FBXL18: variants seen among roughly 807,000 people sequenced by gnomAD.
The protein encoded by FBXL18 is F-box/LRR-repeat protein 18.
FBXL18 carries 36 observed loss-of-function variants against 46.0 expected under a neutral mutation model. The ratio of observed to expected loss-of-function variants is 0.78; its 90% confidence interval spans 0.60 to 1.03. The LOEUF is 1.03. Among genes scored for constraint, FBXL18 ranks in the 50% least tolerant of loss-of-function variants. The pLI, the probability that FBXL18 is intolerant of heterozygous loss-of-function variation, is 0.00. For missense variants in FBXL18, 977 were observed against 1,004.1 expected (o/e 0.97, Z 0.36); for synonymous variants, 557 against 465.3 (o/e 1.20, Z -2.54).
intron 4 of FBXL18, among the ~76,000 whole-genome samples, chr7:5,457,512 A>G (rs1783189234): frequency 6.6e-6 from 1 of 152,170 alleles, no homozygotes; most frequent in African/African-American, 2.4e-5. Context: ...TACCAAACAC[A>G]TCCTGCAACA....
rs550653522 is a variant in FBXL18 at position 5,506,318 on chromosome 7, G to A, written c.19-688C>T. Among the ~76,000 whole-genome samples, 10 of 150,024 alleles carry A rather than the reference G, an allele frequency of 6.7e-5. No individual in the cohort carries two copies. In the South Asian group the frequency reaches 8.4e-4, roughly 13 times the overall value. On this transcript the variant is annotated intron_variant, in intron 1 of 4. Coordinates refer to ENST00000382368, the MANE Select transcript of FBXL18 (RefSeq NM_024963.6). ...GGGTGGAGTGCAGTGGCGCAATCTCGGTTCACTGCAACCTCCGCCTCCCGG... is the reference window on the plus strand; with the variant it reads ...GGGTGGAGTGCAGTGGCGCAATCTCAGTTCACTGCAACCTCCGCCTCCCGG...
At chr7:5,494,999 C>T (rs1157071490) in intron 3 of FBXL18, among the ~76,000 whole-genome samples, 4 of 152,336 alleles carry the variant, frequency 2.6e-5, no homozygotes, top group Admixed American at 1.3e-4. Flanking sequence ...GGGCCTGGCA[C>T]GTCTAAAGCT....
chr7:5,470,479 C>G (rs1344370026), intron 4 of FBXL18, among the ~76,000 whole-genome samples: 1 of 152,194 alleles, frequency 6.6e-6, no homozygotes, highest in Non-Finnish European at 1.5e-5. Context: ...ACCCGAGAGC[C>G]AGGAACTCTG....
At chr7:5,472,335 G>A (rs144506377), downstream of FBXL18, among the ~76,000 whole-genome samples, 767 of 152,286 alleles carry the variant, frequency 5.0e-3, 7 homozygotes, top group African/African-American at 0.017. Context: ...GGGGGTCTGT[G>A]CCCCGTCTCT....
intron 4 of FBXL18, 22 bp from the exon 5 acceptor site, chr7:5,481,953 A>G (rs767567277): frequency 2.5e-6 from 4 of 1,585,002 alleles, no homozygotes; most frequent in Non-Finnish European, 3.4e-6. Flanking sequence ...ACAGGCGGTC[A>G]GCGGATTACA....
intron 4 of FBXL18, among the ~76,000 whole-genome samples, chr7:5,459,507 G>A (rs903547156): frequency 5.9e-5 from 9 of 152,158 alleles, no homozygotes; most frequent in East Asian, 3.9e-4. Context: ...CTGGGCGGCC[G>A]AGGCAGGTGG....
At position 5,463,728 on chromosome 7, in the gene FBXL18, A is replaced by ATTTATTTTTTTT. The variant is rs1562672288; in HGVS notation, c.2001-15886_2001-15885insAAAAAAAATAAA. 1.5e-3 allele frequency among the ~76,000 whole-genome samples: 81 copies of ATTTATTTTTTTT among 53,000 alleles called. 1 individual carries two copies. The highest frequency in any genetic ancestry group is 2.2e-3 in the Non-Finnish European group (66 of 30,048). 34.8% of individuals were successfully genotyped at this position (53,000 alleles called of 152,430 possible). A position where few individuals can be genotyped will look rare whatever the true frequency, so the allele number is the denominator to read the frequency against. On this transcript the variant is annotated intron_variant and NMD_transcript_variant, in intron 4 of 6. Transcript: ENST00000415009. ...TATTTATTTATTTATTTATTTATTT[A>ATTTATTTTTTTT]TTTTTTTTTTTTTTTTTTTTTTTTT...
chr7:5,512,859 A>G (rs1291193828), intron 1 of FBXL18, among the ~76,000 whole-genome samples: 1 of 152,162 alleles, frequency 6.6e-6, no homozygotes, highest in Non-Finnish European at 1.5e-5. Flanking sequence ...AGCCATCTCC[A>G]GAGACCCTGC....
intron 4 of FBXL18, among the ~76,000 whole-genome samples, chr7:5,487,663 G>C (rs1428917486): frequency 6.6e-6 from 1 of 152,356 alleles, no homozygotes; most frequent in South Asian, 2.1e-4. Flanking sequence ...CTTCTGTGAG[G>C]CTTGAACAAG....
chr7:5,493,400 A>G (rs2128236004), intron 3 of FBXL18, among the ~76,000 whole-genome samples: 1 of 152,100 alleles, frequency 6.6e-6, no homozygotes, highest in Admixed American at 6.5e-5. Flanking sequence ...GGTTCACGCC[A>G]TTCTCCTGCC....
At chr7:5,500,442 C>T (rs1784203943) in intron 3 of FBXL18, 46 bp downstream of exon 3, 5 of 1,524,900 alleles carry the variant, frequency 3.3e-6, no homozygotes, top group Non-Finnish European at 4.4e-6. Context: ...CAGTTCCCTC[C>T]GCCAGCTTCC....
At position 5,501,005 on chromosome 7, in the gene FBXL18, C is replaced by T; in HGVS notation, c.1264G>A (p.Val422Ile). Reference protein sequence around the residue: ...LRHLRSLSLPVCSVADSAPRA... With the variant: ...LRHLRSLSLPICSVADSAPRA... ...GGCGCGGAGTCAGCGACAGAGCAGA[C>T]AGGCAGGGAGAGGGAGCGCAGGTGA... Residue 422 changes from valine (V) to isoleucine (I), a missense_variant, in exon 3 of 5, where the codon GTC becomes ATC. Transcript: ENST00000382368. 6.3e-7 allele frequency: 1 copy of T among 1,589,844 alleles called. No homozygotes were observed. Among genetic ancestry groups the T allele is most frequent in the Non-Finnish European group, 8.5e-7 (1 of 1,170,872 alleles).
chr7:5,473,116 TCAC>T (rs1010060457), downstream of FBXL18, among the ~76,000 whole-genome samples: 15 of 152,032 alleles, frequency 9.9e-5, no homozygotes, highest in African/African-American at 3.6e-4. Context: ...ACACAAGACA[TCAC>T]CAGGGGACGG....
rs367548523 is a variant in FBXL18 at position 5,500,724 on chromosome 7, G to A, written c.1545C>T (p.Arg515=). 1.1e-4 allele frequency: 172 copies of A among 1,612,188 alleles called. 2 individuals are homozygous for A. In the South Asian group the frequency reaches 1.6e-3, roughly 15 times the overall value. The change falls in exon 3 of 5, where the codon CGC becomes CGT. Residue 515 remains arginine (R), a synonymous_variant. Transcript: ENST00000382368. ...AIRNSLPPCS[R]AQSVGDSEVA... The stretch of plus-strand genomic sequence containing the variant: ...CCTCCGAGTCCCCGACACTCTGTGC[G>A]CGGCTGCAGGGTGGGAGCGAGTTGC...
rs147039547 is a variant in FBXL18 at position 5,455,738 on chromosome 7, C to T, written c.2001-7895G>A. Among the ~76,000 whole-genome samples, 1 of 150,346 alleles carries T rather than the reference C, an allele frequency of 6.7e-6. No homozygotes were observed. Among genetic ancestry groups the T allele is most frequent in the East Asian group, 1.9e-4 (1 of 5,136 alleles). On this transcript the variant is annotated intron_variant and NMD_transcript_variant, in intron 4 of 6. Coordinates refer to the FBXL18 transcript ENST00000415009. This position sits in a 1 kb window ranked among gnomAD's most constrained non-coding sequence, Gnocchi z 4.6. ...TTGGATGTCCCTAGATGGTGCCTCC[C>T]CCCCACCCCCACTACACACACACAA...
chr7:5,461,145 C>T (rs1584179902), intron 4 of FBXL18, among the ~76,000 whole-genome samples: 1 of 152,244 alleles, frequency 6.6e-6, no homozygotes, highest in South Asian at 2.1e-4. Context: ...GCTGCAAACA[C>T]AGCCGGACCT....
chr7:5,488,724 T>TG (rs1379033176), intron 4 of FBXL18, among the ~76,000 whole-genome samples: 2 of 152,142 alleles, frequency 1.3e-5, no homozygotes, highest in African/African-American at 4.8e-5. Flanking sequence ...CGCAAGCGTA[T>TG]GGGGGGCGAA....
In FBXL18 at chr7:5,501,767, C is replaced by A; in HGVS notation, c.502G>T (p.Ala168Ser). ...DASQLSSECK[A>S]TLSRVRELKQ... Reference sequence around the variant, plus strand: ...AGCTCCCGCACGCGGCTCAGGGTGGCCTTGCACTCGCTGCTCAGCTGGCTG... The same window carrying A: ...AGCTCCCGCACGCGGCTCAGGGTGGACTTGCACTCGCTGCTCAGCTGGCTG... Residue 168 changes from alanine (A) to serine (S), a missense_variant, in exon 3 of 5, where the codon GCC becomes TCC. By Grantham distance (99) the Ala-to-Ser change is moderately conservative. Transcript: ENST00000382368. 6.4e-7 allele frequency: 1 copy of A among 1,559,476 alleles called. No homozygotes were observed. The highest frequency in any genetic ancestry group is 8.7e-7 in the Non-Finnish European group (1 of 1,151,528).
rs191528539 is a variant in FBXL18 at position 5,506,551 on chromosome 7, G to A, written c.19-921C>T. On this transcript the variant is annotated intron_variant, in intron 1 of 4. Coordinates refer to ENST00000382368, the MANE Select transcript of FBXL18 (RefSeq NM_024963.6). The stretch of plus-strand genomic sequence containing the variant: ...ATTGCAGGTGTGAGCCACCATGCCC[G>A]GCTTTTTTTTTTTTTTTCTTTTGGA... 9.3e-3 allele frequency among the ~76,000 whole-genome samples: 1,255 copies of A among 134,466 alleles called. 23 individuals carry two copies. The highest frequency in any genetic ancestry group is 0.012 in the Non-Finnish European group (732 of 63,464). The allele number at this position is 134,466 out of a possible 152,430, so 88.2% of individuals were successfully genotyped here. A position where few individuals can be genotyped will look rare whatever the true frequency, so the allele number is the denominator to read the frequency against.
Sources: allele counts gnomAD v4.1 joint callset (sites outside exome capture counted in the v4.1 genomes callset), GRCh38; gene constraint gnomAD v4.1.1; non-coding constraint Gnocchi (gnomAD v3.1); transcripts MANE v1.5; gene names NCBI Gene and HGNC (gene_info 2026-07-23, HGNC 2026-07-21).